Variants in RLIG1 observed in about 807,000 individuals in gnomAD.
The protein encoded by RLIG1 is RNA 5'-phosphate and 3'-OH ligase 1, also known as RNA ligase 1.
chr12:88,047,944 T>A, the RLIG1 span, among the ~76,000 whole-genome samples: 1 of 152,140 alleles, frequency 6.6e-6, no homozygotes, highest in African/African-American at 2.4e-5. Context: ...GCTCTATGAT[T>A]CATAACATTT....
the RLIG1 span, among the ~76,000 whole-genome samples, chr12:88,046,179 A>G: frequency 6.6e-6 from 1 of 152,156 alleles, no homozygotes; most frequent in Admixed American, 6.5e-5. Flanking sequence ...GTATCAAAAT[A>G]TATATCATGA....
chr12:88,045,765 A>G, the RLIG1 span: 16 of 1,612,538 alleles, frequency 9.9e-6, no homozygotes, highest in South Asian at 1.1e-5. Context: ...ACAAATATCA[A>G]TGGAAACCCA....
the RLIG1 span, chr12:88,048,362 T>A: frequency 3.8e-6 from 6 of 1,594,882 alleles, no homozygotes; most frequent in Non-Finnish European, 5.1e-6. Flanking sequence ...TGTTTAATCA[T>A]TTTTTAAAAA....
chr12:88,040,137 C>CT, the RLIG1 span: 3 of 1,527,084 alleles, frequency 2.0e-6, no homozygotes, highest in South Asian at 1.1e-5. Context: ...TTCTCTCTCT[C>CT]TTTTTTTAAG....
At chr12:88,046,886 G>A in the RLIG1 span, 2 of 1,612,440 alleles carry the variant, frequency 1.2e-6, no homozygotes, top group Non-Finnish European at 1.7e-6. Context: ...CTTCATTGAA[G>A]CACAATGATC....
chr12:88,049,419 T>G, the RLIG1 span: 1 of 1,315,848 alleles, frequency 7.6e-7, no homozygotes, highest in Non-Finnish European at 1.1e-6. Context: ...TTCCTCCTAA[T>G]GGAAACATTA....
At chr12:88,041,025 T>C in the RLIG1 span, among the ~76,000 whole-genome samples, 1 of 152,180 alleles carries the variant, frequency 6.6e-6, no homozygotes, top group East Asian at 1.9e-4. Context: ...GTTTACATTG[T>C]TGTGCTACTA....
chr12:88,042,846 G>T, the RLIG1 span: 1 of 1,524,766 alleles, frequency 6.6e-7, no homozygotes, highest in South Asian at 1.3e-5. Flanking sequence ...CTTTGGGCTC[G>T]ACTAGATAGA....
At chr12:88,042,869 C>A in the RLIG1 span, 4 of 1,566,622 alleles carry the variant, frequency 2.6e-6, no homozygotes, top group Non-Finnish European at 3.4e-6. Flanking sequence ...ACCCAACAAA[C>A]AAGCTGAAAA....
chr12:88,037,624 T>C, the RLIG1 span, among the ~76,000 whole-genome samples: 1 of 152,178 alleles, frequency 6.6e-6, no homozygotes, highest in East Asian at 1.9e-4. Flanking sequence ...GCATCATAAG[T>C]TAGTGAAAAC....
the RLIG1 span, chr12:88,049,238 A>G: frequency 1.2e-6 from 2 of 1,608,786 alleles, no homozygotes; most frequent in Non-Finnish European, 1.7e-6. Context: ...ACTCTTCAGA[A>G]GCAGCAACAG....
the RLIG1 span, chr12:88,040,167 C>G: frequency 6.2e-7 from 1 of 1,608,860 alleles, no homozygotes; most frequent in Non-Finnish European, 8.5e-7. Context: ...GTTTTGGCAA[C>G]TGAAACTGTA....
chr12:88,048,646 G>A, the RLIG1 span: 1 of 309,204 alleles, frequency 3.2e-6, no homozygotes, highest in Non-Finnish European at 5.8e-6. Flanking sequence ...AAGCTCCTAA[G>A]CTTGGACAAA....
At chr12:88,048,537 T>C in the RLIG1 span, 1 of 673,638 alleles carries the variant, frequency 1.5e-6, no homozygotes, top group Non-Finnish European at 2.2e-6. Context: ...CTACCATTTG[T>C]GAAGAAATGA....
At chr12:88,040,066 TAAG>T in the RLIG1 span, 1 of 748,936 alleles carries the variant, frequency 1.3e-6, no homozygotes, top group African/African-American at 1.8e-5. Context: ...CTAATGAAAT[TAAG>T]AAGATTTCAG....
chr12:88,045,908 A>G, the RLIG1 span: 2 of 691,038 alleles, frequency 2.9e-6, no homozygotes, highest in Non-Finnish European at 4.8e-6. Context: ...TCCTAGGATT[A>G]TATCCATTTC....
At chr12:88,043,118 G>A in the RLIG1 span, among the ~76,000 whole-genome samples, 1 of 151,840 alleles carries the variant, frequency 6.6e-6, no homozygotes, top group Admixed American at 6.6e-5. Flanking sequence ...CTTCTTTATA[G>A]TATGAGTCTA....
At chr12:88,048,065 C>T in the RLIG1 span, among the ~76,000 whole-genome samples, 4 of 150,134 alleles carry the variant, frequency 2.7e-5, no homozygotes, top group African/African-American at 9.8e-5. Flanking sequence ...GGAAGATAGA[C>T]AATAAACAAA....
the RLIG1 span, among the ~76,000 whole-genome samples, chr12:88,039,158 A>G: frequency 6.6e-6 from 1 of 152,152 alleles, no homozygotes; most frequent in Admixed American, 6.5e-5. Context: ...ATGAGCATCT[A>G]TTAGCTTTGC....
Sources: gnomAD v4.1 joint callset for allele counts (sites outside exome capture counted in the v4.1 genomes callset) on GRCh38, gnomAD v4.1.1 for gene constraint, MANE v1.5 for transcripts, NCBI Gene and HGNC (gene_info 2026-07-23, HGNC 2026-07-21) for gene names.